The following ARHGEF12 variants were observed in gnomAD, a reference collection of about 807,000 sequenced individuals.
The protein encoded by ARHGEF12 is KMT2A/ARHGEF12 fusion protein.
Under a neutral mutation model 211.2 loss-of-function variants are expected in ARHGEF12, and 66 were observed. The ratio of observed to expected loss-of-function variants is 0.31; its 90% CI spans 0.26 to 0.38. The LOEUF is 0.38. Ranked by LOEUF, ARHGEF12 falls within the 10% of genes least tolerant of loss-of-function variation. The probability of loss-of-function intolerance (pLI) is 1.00; values close to 1 mark genes in which losing one functional copy is unlikely to be tolerated. For missense variants in ARHGEF12, 1,429 were observed against 1,869.5 expected, an observed-to-expected ratio of 0.76 and a Z score of 4.34; for synonymous variants, 592 against 638.4, an observed-to-expected ratio of 0.93 and a Z score of 1.09.
At chr11:120,396,727 G>A (rs1181609214) in intron 1 of ARHGEF12, among the ~76,000 whole-genome samples, 2 of 152,192 alleles carry the variant, frequency 1.3e-5, no homozygotes, top group East Asian at 1.9e-4. Context: ...AGAAGAAAAT[G>A]TAGGGGTAAA....
chr11:120,442,074 T>C, intron 14 of ARHGEF12, 30 bp from the exon 15 acceptor site: 1 of 1,487,690 alleles, frequency 6.7e-7, no homozygotes, highest in Non-Finnish European at 9.2e-7. Flanking sequence ...GTTCCTCATT[T>C]TGTCTTTTTC....
chr11:120,417,066 G>A lies in ARHGEF12; in HGVS notation c.200-3687G>A, dbSNP rs116493223. On this transcript the variant is annotated intron_variant, in intron 4 of 40. Coordinates refer to ENST00000397843, the MANE Select transcript of ARHGEF12 (RefSeq NM_015313.3). ...TAATCATAATAAAATAATATTTAAC[G>A]TGTAGGAACCCTTAATATTTGTTAG... 3.1e-3 allele frequency among the ~76,000 whole-genome samples: 479 copies of A among 152,168 alleles called. 1 individual carries two copies. The highest frequency in any genetic ancestry group is 0.01 in the African/African-American group (431 of 41,508).
At chr11:120,426,943 C>T (rs1286864716) in intron 7 of ARHGEF12, among the ~76,000 whole-genome samples, 1 of 152,106 alleles carries the variant, frequency 6.6e-6, no homozygotes, top group African/African-American at 2.4e-5. Flanking sequence ...GTGGCGCAAT[C>T]TCGGCTCACT....
intron 1 of ARHGEF12, among the ~76,000 whole-genome samples, chr11:120,366,425 T>C (rs1400795000): frequency 1.3e-5 from 2 of 152,022 alleles, no homozygotes; most frequent in Non-Finnish European, 2.9e-5. Flanking sequence ...CCCAAAGTGC[T>C]GGGGTTACAG....
In ARHGEF12 at chr11:120,485,176, C is replaced by A; in HGVS notation, c.*99C>A. ...CAGTGTGGATGCAGAGAGAGTGTGA[C>A]AGAGGATCTGCCTGTGAACCACCTG... is the stretch of plus-strand genomic sequence containing the variant. On this transcript the variant is annotated 3_prime_UTR_variant, in exon 41 of 41. Transcript: ENST00000397843. 6.6e-7 allele frequency: 1 copy of A among 1,507,232 alleles called. No individual in the cohort carries two copies. The highest frequency in any genetic ancestry group is 9.2e-7 in the Non-Finnish European group (1 of 1,089,392). 93.4% of individuals were successfully genotyped at this position (1,507,232 alleles called of 1,614,324 possible). A position where few individuals can be genotyped will look rare whatever the true frequency, so the allele number is the denominator to read the frequency against.
At chr11:120,357,702 T>C (rs1943167586) in intron 1 of ARHGEF12, among the ~76,000 whole-genome samples, 1 of 152,134 alleles carries the variant, frequency 6.6e-6, no homozygotes, top group Non-Finnish European at 1.5e-5. Flanking sequence ...CCCAAAATAC[T>C]GGAATTACAA....
intron 5 of ARHGEF12, 66 bp from the exon 6 acceptor site, chr11:120,421,737 C>G (rs1945198824): frequency 1.4e-6 from 2 of 1,449,126 alleles, no homozygotes; most frequent in East Asian, 4.6e-5. Context: ...TATACTGTCT[C>G]TCTGTCAGGA....
At chr11:120,375,478 A>G (rs1943699511) in intron 1 of ARHGEF12, among the ~76,000 whole-genome samples, 1 of 151,750 alleles carries the variant, frequency 6.6e-6, no homozygotes, top group South Asian at 2.1e-4. Context: ...CACCCGTACA[A>G]TTATTTTCTT....
At chr11:120,359,818 C>CA (rs1459139227) in intron 1 of ARHGEF12, among the ~76,000 whole-genome samples, 2 of 151,974 alleles carry the variant, frequency 1.3e-5, no homozygotes, top group African/African-American at 4.8e-5. Context: ...GTAGAACAGG[C>CA]AGGGGAGTAC....
intron 1 of ARHGEF12, among the ~76,000 whole-genome samples, chr11:120,339,920 CCCA>C (rs1942479315): frequency 1.3e-5 from 2 of 152,106 alleles, no homozygotes. Flanking sequence ...TCTTTTACTC[CCCA>C]GTCCGCACCC....
At chr11:120,423,892 G>A (rs1003452478) in intron 6 of ARHGEF12, among the ~76,000 whole-genome samples, 1 of 151,968 alleles carries the variant, frequency 6.6e-6, no homozygotes, top group Non-Finnish European at 1.5e-5. Context: ...ACATTTAGCC[G>A]GTCTGAAAAT....
At chr11:120,481,659 T>C in intron 39 of ARHGEF12, 83 bp downstream of exon 39, 1 of 1,368,150 alleles carries the variant, frequency 7.3e-7, no homozygotes, top group Non-Finnish European at 1.0e-6. Flanking sequence ...AAAATGCTGA[T>C]GTCAATAAAC....
chr11:120,416,733 C>T (rs566141881), intron 4 of ARHGEF12, among the ~76,000 whole-genome samples: 1 of 152,242 alleles, frequency 6.6e-6, no homozygotes, highest in South Asian at 2.1e-4. Flanking sequence ...TCACTGCATC[C>T]TCTGCCTCCT....
Position 120,480,043 on chromosome 11 carries a change from T to C in ARHGEF12, c.3850T>C (p.Tyr1284His). Residue 1284 changes from tyrosine to histidine, a missense_variant, in exon 38 of 41, where the codon TAC (tyrosine) becomes CAC (histidine). Tyr to His is a moderately conservative substitution (Grantham distance 83). Around this residue, in one of 7 missense-constraint regions of ARHGEF12, gnomAD observed 467 missense variants for 468.4 expected, o/e 1.00. Coordinates refer to ENST00000397843, the MANE Select transcript of ARHGEF12 (RefSeq NM_015313.3). ...GGAAGACTGGCAACATTTCCCAAGA[T>C]ACAGAACAGCCTCTCAGGGGCCGCA... Reference protein sequence around the residue: ...VQEDWQHFPRYRTASQGPQTD... With the variant: ...VQEDWQHFPRHRTASQGPQTD... 1 of 1,614,146 alleles carries C rather than the reference T, an allele frequency of 6.2e-7. No individual in the cohort carries two copies. Among genetic ancestry groups the C allele is most frequent in the African/African-American group, 1.3e-5 (1 of 75,034 alleles).
chr11:120,485,874 C>T lies in ARHGEF12; in HGVS notation c.*797C>T, dbSNP rs77413966. The T allele has an allele frequency of 1.4e-3, 335 of 233,200 alleles. 6 individuals are homozygous for T. The East Asian group carries it at 0.019, about 14-fold the overall frequency. The allele number at this position is 233,200 out of a possible 1,614,324, so 14.4% of individuals were successfully genotyped here. Reference sequence around the variant, plus strand: ...AAATGGGTGTGTTTTCTTCCATTGTCGTCTTTTCTATTGAGGGTTGGGATT... The same window carrying T: ...AAATGGGTGTGTTTTCTTCCATTGTTGTCTTTTCTATTGAGGGTTGGGATT... On this transcript the variant is annotated 3_prime_UTR_variant, in exon 41 of 41. Coordinates refer to ENST00000397843, the MANE Select transcript of ARHGEF12 (RefSeq NM_015313.3).
intron 1 of ARHGEF12, among the ~76,000 whole-genome samples, chr11:120,399,542 G>T (rs1469752711): frequency 6.6e-6 from 1 of 151,870 alleles, no homozygotes; most frequent in African/African-American, 2.4e-5. Flanking sequence ...CTCAACCAAT[G>T]AATGCATACC....
chr11:120,393,922 C>T (rs1944294786), intron 1 of ARHGEF12, among the ~76,000 whole-genome samples: 1 of 151,350 alleles, frequency 6.6e-6, no homozygotes, highest in Non-Finnish European at 1.5e-5. Context: ...CAATTCTGGG[C>T]TGTGAAGTAA....
chr11:120,425,690 C>T (rs1945323961), intron 7 of ARHGEF12, among the ~76,000 whole-genome samples: 1 of 150,912 alleles, frequency 6.6e-6, no homozygotes, highest in Non-Finnish European at 1.5e-5. Context: ...GAGTCCACCA[C>T]CTAAAATATA....
chr11:120,375,501 C>G (rs757735783), intron 1 of ARHGEF12, among the ~76,000 whole-genome samples: 14 of 151,066 alleles, frequency 9.3e-5, no homozygotes, highest in Admixed American at 2.0e-4. Flanking sequence ...TTCCTTTCCC[C>G]TTTGCAACTT....
Sources: gnomAD v4.1 joint callset for allele counts (sites outside exome capture counted in the v4.1 genomes callset) on GRCh38, gnomAD v4.1.1 for gene constraint, gnomAD v4.1.1 regional missense constraint, MANE v1.5 for transcripts, NCBI Gene and HGNC (gene_info 2026-07-23, HGNC 2026-07-21) for gene names.